HTR1F: variants seen among roughly 807,000 people sequenced by gnomAD.
HTR1F encodes the protein 5-hydroxytryptamine receptor 1F.
In HTR1F, 17 loss-of-function variants were observed where a neutral mutation model predicts 24.0. The observed-to-expected ratio is 0.71, with a 90% confidence interval of 0.48 to 1.06. The LOEUF (loss-of-function observed/expected upper bound fraction) is 1.06. Ranked by LOEUF, HTR1F falls within the 50% of genes least tolerant of loss-of-function variation. The pLI, the probability that HTR1F is intolerant of heterozygous loss-of-function variation, is 0.00. For missense variants in HTR1F, 391 were observed against 427.8 expected (o/e 0.91, Z 0.76); for synonymous variants, 186 against 156.8 (o/e 1.19, Z -1.39).
intron 2 of HTR1F, among the ~76,000 whole-genome samples, chr3:87,966,407 C>A (rs1000512685): frequency 3.3e-5 from 5 of 152,142 alleles, no homozygotes; most frequent in Admixed American, 6.5e-5. Flanking sequence ...CAGTCTTTCC[C>A]ATTTTTGTGA....
At position 87,991,940 on chromosome 3, in the gene HTR1F, G is replaced by T. The variant is rs1170193263; in HGVS notation, c.*90G>T. On this transcript the variant is annotated 3_prime_UTR_variant, in exon 3 of 3. Coordinates refer to ENST00000319595, the MANE Select transcript of HTR1F (RefSeq NM_001322209.2). ...AAATAATAAAACACTTAAGCTTTTA[G>T]AGGGAAATACATGAAAACTGCTAAA... 9.7e-6 allele frequency: 11 copies of T among 1,128,722 alleles called. No homozygotes were observed. In the African/African-American group the frequency reaches 1.4e-4, roughly 14 times the overall value. The allele number at this position is 1,128,722 out of a possible 1,614,324, so 69.9% of individuals were successfully genotyped here.
At position 87,991,193 on chromosome 3, in the gene HTR1F, G is replaced by A; in HGVS notation, c.444G>A (p.Trp148Ter). The A allele has an allele frequency of 6.2e-7, 1 of 1,613,948 alleles. No homozygotes were observed. The highest frequency in any genetic ancestry group is 8.5e-7 in the Non-Finnish European group (1 of 1,179,968). The change falls in exon 3 of 3, where the codon TGG becomes TGA. Residue 148 changes from tryptophan (W) to a stop codon, truncating the protein, a stop_gained. Transcript: ENST00000319595. LOFTEE classifies it high-confidence loss of function. Reference protein sequence around the residue: ...KHAGIMITIVWIISVFISMPP... With the variant: ...KHAGIMITIV ...CTGGCATTATGATTACAATAGTTTG[G>A]ATTATATCTGTTTTTATCTCTATGC...
intron 2 of HTR1F, among the ~76,000 whole-genome samples, chr3:87,903,113 C>G (rs1359597620): frequency 1.3e-5 from 2 of 152,040 alleles, no homozygotes; most frequent in Non-Finnish European, 2.9e-5. Flanking sequence ...ACACCTTATA[C>G]AAAAACTAAC....
chr3:87,884,774 G>A (rs1476275198), intron 2 of HTR1F, among the ~76,000 whole-genome samples: 4 of 152,096 alleles, frequency 2.6e-5, no homozygotes, highest in Non-Finnish European at 5.9e-5. Context: ...ATGGTAAAGG[G>A]ATCAATTCAA....
At chr3:87,907,426 C>T (rs747675687) in intron 2 of HTR1F, among the ~76,000 whole-genome samples, 2 of 150,646 alleles carry the variant, frequency 1.3e-5, no homozygotes, top group South Asian at 2.1e-4. Context: ...GATATTAGTC[C>T]GTTGTTGGAT....
chr3:87,875,886 T>G (rs1033174506), intron 2 of HTR1F, among the ~76,000 whole-genome samples: 2 of 143,848 alleles, frequency 1.4e-5, no homozygotes, highest in African/African-American at 5.3e-5. Context: ...ATCACGCTAC[T>G]GCACTCCAGC....
chr3:87,845,197 A>C (rs1191994694), intron 2 of HTR1F, among the ~76,000 whole-genome samples: 1 of 151,206 alleles, frequency 6.6e-6, no homozygotes, highest in Non-Finnish European at 1.5e-5. Flanking sequence ...CTCTCTCACC[A>C]CTCCTATTCA....
chr3:87,959,370 T>C (rs866807251), intron 2 of HTR1F, among the ~76,000 whole-genome samples: 5 of 151,928 alleles, frequency 3.3e-5, no homozygotes, highest in Non-Finnish European at 7.4e-5. Context: ...GCTTCCTACA[T>C]GTATTCATTG....
chr3:87,879,575 G>A (rs1195965350), intron 2 of HTR1F, among the ~76,000 whole-genome samples: 1 of 151,964 alleles, frequency 6.6e-6, no homozygotes, highest in African/African-American at 2.4e-5. Context: ...AACTGTAATG[G>A]CATCATAAGA....
At chr3:87,895,591 A>G (rs1182604933) in intron 2 of HTR1F, among the ~76,000 whole-genome samples, 2 of 152,156 alleles carry the variant, frequency 1.3e-5, no homozygotes, top group East Asian at 3.9e-4. Flanking sequence ...ACATCTTCGG[A>G]TTTTACCAGA....
intron 2 of HTR1F, among the ~76,000 whole-genome samples, chr3:87,896,204 A>G (rs1706195897): frequency 6.6e-6 from 1 of 152,124 alleles, no homozygotes; most frequent in African/African-American, 2.4e-5. Flanking sequence ...CCTCAGGGAC[A>G]TTACCTGAAA....
At chr3:87,834,301 G>A (rs1030164957) in intron 2 of HTR1F, among the ~76,000 whole-genome samples, 1 of 152,078 alleles carries the variant, frequency 6.6e-6, no homozygotes, top group Non-Finnish European at 1.5e-5. Context: ...GTATGTTTAT[G>A]TATGTGTGTA....
At chr3:87,898,030 A>T (rs1706239469) in intron 2 of HTR1F, among the ~76,000 whole-genome samples, 1 of 152,162 alleles carries the variant, frequency 6.6e-6, no homozygotes, top group African/African-American at 2.4e-5. Flanking sequence ...CAAAGGATGG[A>T]TGATGAGTGG....
chr3:87,864,726 T>A (rs191535174), intron 2 of HTR1F, among the ~76,000 whole-genome samples: 361 of 151,856 alleles, frequency 2.4e-3, no homozygotes, highest in Admixed American at 3.7e-3. Context: ...TGAAACACCG[T>A]CTCTACTAAA....
At chr3:87,892,236 G>A (rs1271159758) in intron 2 of HTR1F, among the ~76,000 whole-genome samples, 2 of 152,122 alleles carry the variant, frequency 1.3e-5, no homozygotes, top group Non-Finnish European at 2.9e-5. Context: ...ATACAATAAA[G>A]GCATAGATAA....
intron 2 of HTR1F, among the ~76,000 whole-genome samples, chr3:87,947,365 C>T (rs561641246): frequency 1.4e-5 from 2 of 146,898 alleles, no homozygotes; most frequent in Admixed American, 6.7e-5. Flanking sequence ...TAGAATAGTT[C>T]TCTCTTAACA....
chr3:87,904,635 C>T (rs1297687781), intron 2 of HTR1F, among the ~76,000 whole-genome samples: 1 of 152,028 alleles, frequency 6.6e-6, no homozygotes, highest in East Asian at 1.9e-4. Flanking sequence ...GTGGTATGGT[C>T]ATATCATACA....
At chr3:87,932,436 G>T (rs529404711) in intron 2 of HTR1F, among the ~76,000 whole-genome samples, 6 of 152,116 alleles carry the variant, frequency 3.9e-5, no homozygotes, top group African/African-American at 9.6e-5. Context: ...CATGCTGTTT[G>T]GGTTACTGTA....
intron 2 of HTR1F, among the ~76,000 whole-genome samples, chr3:87,904,439 C>T (rs982845962): frequency 6.6e-6 from 1 of 152,004 alleles, no homozygotes; most frequent in African/African-American, 2.4e-5. Context: ...CTCCTAACAG[C>T]ATTATTTTTA....
Sources: gnomAD v4.1 joint callset for allele counts (sites outside exome capture counted in the v4.1 genomes callset) on GRCh38, gnomAD v4.1.1 for gene constraint, MANE v1.5 for transcripts, NCBI Gene and HGNC (gene_info 2026-07-23, HGNC 2026-07-21) for gene names.